The following PLEKHA4 variants were observed in gnomAD, a reference collection of about 807,000 sequenced individuals.
PLEKHA4 encodes pleckstrin homology domain containing A4, also known as pleckstrin homology domain-containing family A member 4.
PLEKHA4 carries 73 observed loss-of-function variants against 94.7 expected under a neutral mutation model. That is an observed-to-expected ratio of 0.77 (90% CI 0.64 to 0.94). The LOEUF (loss-of-function observed/expected upper bound fraction) is 0.94, where lower values mean the gene tolerates loss of function less well. PLEKHA4 is among the 40% of genes least tolerant of loss of function. PLEKHA4 has a pLI of 0.00. For synonymous variants in PLEKHA4, 449 were observed against 437.1 expected (o/e 1.03, Z -0.34); for missense variants, 1,049 against 1,054.1 (o/e 1.00, Z 0.07).
intron 3 of PLEKHA4, 31 bp downstream of exon 3, chr19:48,865,472 A>C (rs776737676): frequency 6.5e-7 from 1 of 1,546,918 alleles, no homozygotes; most frequent in Non-Finnish European, 8.9e-7. Context: ...CACAGACTTC[A>C]GTGTCCTTTT....
intron 18 of PLEKHA4, 123 bp downstream of exon 18, chr19:48,839,082 G>C (rs2035655897): frequency 1.9e-6 from 1 of 522,118 alleles, no homozygotes; most frequent in Non-Finnish European, 3.3e-6. Context: ...GGGAACTTAA[G>C]CATCTCTAGA....
chr19:48,848,582 C>G (rs1296132676), intron 13 of PLEKHA4, among the ~76,000 whole-genome samples: 4 of 151,242 alleles, frequency 2.6e-5, no homozygotes, highest in Non-Finnish European at 5.9e-5. Flanking sequence ...CACCAGAGGT[C>G]AGAAGTTCAA....
intron 16 of PLEKHA4, among the ~76,000 whole-genome samples, chr19:48,841,939 C>T (rs2035783692): frequency 6.6e-6 from 1 of 152,006 alleles, no homozygotes; most frequent in Non-Finnish European, 1.5e-5. Context: ...GGGCAAGATC[C>T]CGTATCTAAA....
intron 12 of PLEKHA4, 42 bp downstream of exon 12, chr19:48,853,640 C>G (rs1274252234): frequency 1.4e-6 from 2 of 1,471,316 alleles, no homozygotes; most frequent in Non-Finnish European, 1.8e-6. Context: ...TTGCATAGTC[C>G]TGGGGCCTCC....
At chr19:48,857,352 T>C (rs1005256411) in intron 9 of PLEKHA4, 70 bp downstream of exon 9, 1 of 690,596 alleles carries the variant, frequency 1.4e-6, no homozygotes, top group Non-Finnish European at 2.5e-6. Context: ...GGCCAAGAGA[T>C]GACATTCCTC....
intron 2 of PLEKHA4, 128 bp from the exon 3 acceptor site, chr19:48,865,738 G>A: frequency 1.6e-6 from 1 of 618,902 alleles, no homozygotes; most frequent in Non-Finnish European, 2.9e-6. Flanking sequence ...GGACCAGCCG[G>A]GCGCAGTGGC....
intron 9 of PLEKHA4, among the ~76,000 whole-genome samples, chr19:48,855,824 A>C (rs532104827): frequency 2.0e-5 from 3 of 151,716 alleles, no homozygotes; most frequent in African/African-American, 7.2e-5. Flanking sequence ...TTAAAAAAAA[A>C]CAAAAAACAG....
At chr19:48,852,144 T>A in intron 13 of PLEKHA4, 84 bp downstream of exon 13, 3 of 1,078,080 alleles carry the variant, frequency 2.8e-6, no homozygotes, top group Non-Finnish European at 4.3e-6. Flanking sequence ...CTCGATTCTG[T>A]GGGCGAAGAT....
At position 48,845,392 on chromosome 19, in the gene PLEKHA4, G is replaced by A. The variant is rs1308631969; in HGVS notation, c.1721C>T (p.Pro574Leu). The part of the protein sequence containing the change: ...RASSPEGRHL[P>L]SPQLGTKAPV... ...TACCTTGGTTCCTAGCTGTGGGGAA[G>A]GGAGGTGGCGACCCTCAGGGCTGGA... Residue 574 changes from proline (P) to leucine (L), a missense_variant, in exon 16 of 20, where the codon CCT becomes CTT. By Grantham distance (98) the Pro-to-Leu change is moderately conservative. Coordinates refer to ENST00000263265, the MANE Select transcript of PLEKHA4 (RefSeq NM_020904.3). 14 of 1,613,216 alleles carry A rather than the reference G, an allele frequency of 8.7e-6. No homozygotes were observed. The East Asian group carries it at 2.9e-4, about 33-fold the overall frequency.
chr19:48,856,650 G>A (rs189985854), intron 9 of PLEKHA4, among the ~76,000 whole-genome samples: 185 of 151,426 alleles, frequency 1.2e-3, no homozygotes, highest in African/African-American at 4.3e-3. Flanking sequence ...CCAGGGAGGC[G>A]AAGGTTGCAG....
intron 7 of PLEKHA4, 53 bp downstream of exon 7, chr19:48,859,416 C>T (rs2036550883): frequency 1.3e-6 from 2 of 1,590,808 alleles, no homozygotes; most frequent in African/African-American, 1.3e-5. Flanking sequence ...CAACCAGTTT[C>T]CGGCCCTGCC....
At chr19:48,852,734 A>G (rs984556826) in intron 12 of PLEKHA4, among the ~76,000 whole-genome samples, 136 of 152,188 alleles carry the variant, frequency 8.9e-4, no homozygotes, top group African/African-American at 3.1e-3. Context: ...GGAGTTCGAG[A>G]CCACCCTGGC....
chr19:48,841,045 A>G, intron 17 of PLEKHA4, 104 bp downstream of exon 17: 1 of 1,174,654 alleles, frequency 8.5e-7, no homozygotes. Context: ...TCCAGTTTGG[A>G]GGAAGGAGGT....
intron 14 of PLEKHA4, among the ~76,000 whole-genome samples, chr19:48,847,219 C>T (rs1431494429): frequency 6.6e-6 from 1 of 152,036 alleles, no homozygotes; most frequent in African/African-American, 2.4e-5. Flanking sequence ...CATTTTAAGC[C>T]AGGAGTTTAA....
Position 48,837,931 on chromosome 19 carries a change from G to A in PLEKHA4, c.2077+86C>T, listed in dbSNP as rs2035600229. ...GATAAAAAATTCTCACCGGCCCCCA[G>A]ACCCCTCCTCTCCAGGACCTGGGAT... On this transcript the variant is annotated intron_variant, in intron 19 of 19. Coordinates refer to ENST00000263265, the MANE Select transcript of PLEKHA4 (RefSeq NM_020904.3). This position sits in a 1 kb window ranked among gnomAD's most constrained non-coding sequence, Gnocchi z 4.3. 1 of 1,143,372 alleles carries A rather than the reference G, an allele frequency of 8.7e-7. No individual in the cohort carries two copies. 70.8% of individuals were successfully genotyped at this position (1,143,372 alleles called of 1,614,324 possible). A position where few individuals can be genotyped will look rare whatever the true frequency, so the allele number is the denominator to read the frequency against.
Position 48,837,145 on chromosome 19 carries a change from A to G in PLEKHA4, c.*144T>C, listed in dbSNP as rs2035555451. 8.6e-7 allele frequency: 1 copy of G among 1,165,044 alleles called. No individual in the cohort carries two copies. The highest frequency in any genetic ancestry group is 1.2e-6 in the Non-Finnish European group (1 of 800,686). The allele number at this position is 1,165,044 out of a possible 1,614,324, so 72.2% of individuals were successfully genotyped here. A position where few individuals can be genotyped will look rare whatever the true frequency, so the allele number is the denominator to read the frequency against. ...AATTTAGACAGTGTTGAGAAAACCA[A>G]ACTTTGGCCATAGAAACCATTCCCC... On this transcript the variant is annotated 3_prime_UTR_variant, in exon 20 of 20. Coordinates refer to ENST00000263265, the MANE Select transcript of PLEKHA4 (RefSeq NM_020904.3). The surrounding 1 kb of genome is among the most constrained non-coding windows in gnomAD (Gnocchi z 4.3).
At chr19:48,862,885 G>A (rs1444238872) in intron 3 of PLEKHA4, among the ~76,000 whole-genome samples, 4 of 152,158 alleles carry the variant, frequency 2.6e-5, no homozygotes, top group South Asian at 2.1e-4. Context: ...TCGTCTATCC[G>A]CTGGAGATTG....
intron 13 of PLEKHA4, among the ~76,000 whole-genome samples, chr19:48,850,645 C>A (rs1449948886): frequency 1.3e-5 from 2 of 151,464 alleles, no homozygotes; most frequent in Admixed American, 1.3e-4. Flanking sequence ...TGGAGAAACC[C>A]CGTCTCTCAT....
rs371324356 is a variant in PLEKHA4, at chr19:48,860,330, T to G, written c.476+20A>C. 2.6e-5 allele frequency: 41 copies of G among 1,598,510 alleles called. No individual in the cohort carries two copies. The East Asian group carries it at 6.5e-4, about 25-fold the overall frequency. On this transcript the variant is annotated intron_variant, in intron 6 of 19. Transcript: ENST00000263265. The stretch of plus-strand genomic sequence containing the variant: ...GACTCAGGGTGGAGGGTCAGGAGCA[T>G]GGCTTGGACCTCTACTCACTAGTCG...
Sources: allele counts gnomAD v4.1 joint callset (sites outside exome capture counted in the v4.1 genomes callset), GRCh38; gene constraint gnomAD v4.1.1; non-coding constraint Gnocchi (gnomAD v3.1); transcripts MANE v1.5; gene names NCBI Gene and HGNC (gene_info 2026-07-23, HGNC 2026-07-21).